SSBP3: variants seen among roughly 807,000 people sequenced by gnomAD.
The protein encoded by SSBP3 is single-stranded DNA-binding protein 3.
SSBP3 carries 5 observed loss-of-function variants against 69.6 expected under a neutral mutation model. That is an observed-to-expected ratio of 0.07 (90% CI 0.04 to 0.15). SSBP3 has a LOEUF of 0.15. SSBP3 is among the 10% of genes least tolerant of loss of function. The probability of loss-of-function intolerance (pLI) is 1.00; values close to 1 mark genes in which losing one functional copy is unlikely to be tolerated. For synonymous variants in SSBP3, 196 were observed against 193.4 expected, an observed-to-expected ratio of 1.01 and a Z score of -0.11; for missense variants, 312 against 534.0, an observed-to-expected ratio of 0.58 and a Z score of 4.10.
At chr1:54,275,153 G>A (rs1327588574) in intron 5 of SSBP3, among the ~76,000 whole-genome samples, 1 of 152,194 alleles carries the variant, frequency 6.6e-6, no homozygotes, top group East Asian at 1.9e-4. Flanking sequence ...TGGCTGACAG[G>A]TCCCTGCCCT....
intron 4 of SSBP3, among the ~76,000 whole-genome samples, chr1:54,308,907 CAA>C (rs36005529): frequency 6.9e-6 from 1 of 145,000 alleles, no homozygotes. Context: ...ACCTCCCCTG[CAA>C]AAAAAAAAAT....
intron 4 of SSBP3, among the ~76,000 whole-genome samples, chr1:54,396,492 A>G (rs1391740849): frequency 2.0e-5 from 3 of 152,106 alleles, no homozygotes; most frequent in South Asian, 4.1e-4. Flanking sequence ...CTCCCTGTTA[A>G]GGCTTAAACA....
At chr1:54,267,178 G>A (rs1348990051) in intron 5 of SSBP3, among the ~76,000 whole-genome samples, 1 of 152,246 alleles carries the variant, frequency 6.6e-6, no homozygotes, top group Non-Finnish European at 1.5e-5. Context: ...GCCAGGATAT[G>A]AGACGTGACT....
At chr1:54,409,823 C>G (rs752766931), upstream of SSBP3, among the ~76,000 whole-genome samples, 24 of 152,140 alleles carry the variant, frequency 1.6e-4, no homozygotes, top group Non-Finnish European at 3.1e-4. Context: ...ATACGCTGTT[C>G]TAGGCCTTGG....
chr1:54,346,893 C>T (rs1646699683), intron 4 of SSBP3, among the ~76,000 whole-genome samples: 1 of 152,088 alleles, frequency 6.6e-6, no homozygotes, highest in Admixed American at 6.6e-5. Flanking sequence ...TACTCCCCAA[C>T]CCCACCTCAC....
At chr1:54,385,564 A>T (rs1648021441) in intron 4 of SSBP3, among the ~76,000 whole-genome samples, 1 of 152,158 alleles carries the variant, frequency 6.6e-6, no homozygotes, top group South Asian at 2.1e-4. Context: ...GGAATTCCAA[A>T]TTCAGAACAT....
chr1:54,237,169 C>G (rs573674601), intron 14 of SSBP3: 1 of 152,294 alleles, frequency 6.6e-6, no homozygotes, highest in South Asian at 2.1e-4. Context: ...TTCAGGCAGC[C>G]CTTGACGCAC....
chr1:54,404,954 G>C, intron 1 of SSBP3, 24 bp from the exon 2 acceptor site: 1 of 1,599,256 alleles, frequency 6.3e-7, no homozygotes, highest in Non-Finnish European at 8.6e-7. Flanking sequence ...AGGGGGCAAA[G>C]AGAGAGAGGG....
intron 3 of SSBP3, among the ~76,000 whole-genome samples, chr1:54,404,145 CT>C (rs1359473295): frequency 4.6e-5 from 7 of 152,118 alleles, no homozygotes; most frequent in Non-Finnish European, 7.4e-5. Flanking sequence ...GGTAGATGTC[CT>C]CTCTTAAGGT....
At chr1:54,255,223 G>A (rs1160800734) in intron 7 of SSBP3, among the ~76,000 whole-genome samples, 1 of 151,898 alleles carries the variant, frequency 6.6e-6, no homozygotes, top group East Asian at 1.9e-4. Flanking sequence ...ACAGATGATG[G>A]ATTTATCCCC....
intron 4 of SSBP3, among the ~76,000 whole-genome samples, chr1:54,350,956 G>A (rs1646772374): frequency 6.6e-6 from 1 of 151,964 alleles, no homozygotes; most frequent in Non-Finnish European, 1.5e-5. Context: ...TCCTGAGTAG[G>A]TGAGACTACA....
chr1:54,406,042 C>CCGCCGCCGCCGT, exon 1 of SSBP3: 1 of 1,303,518 alleles, frequency 7.7e-7, no homozygotes, highest in Non-Finnish European at 1.0e-6. Context: ...AGCCTCGCCG[C>CCGCCGCCGCCGT]CGCCGCCGCC....
chr1:54,226,644 T>C (rs1644289064), exon 18 of SSBP3: 1 of 165,312 alleles, frequency 6.0e-6, no homozygotes, highest in Non-Finnish European at 1.3e-5. Context: ...CTTCTGGTTT[T>C]CCTTTTTTTT....
At chr1:54,342,064 AG>A (rs1646618163) in intron 4 of SSBP3, among the ~76,000 whole-genome samples, 2 of 152,232 alleles carry the variant, frequency 1.3e-5, no homozygotes, top group South Asian at 4.1e-4. Context: ...CCACGCGCAG[AG>A]GGATTTCCTG....
intron 4 of SSBP3, among the ~76,000 whole-genome samples, chr1:54,316,709 TA>T (rs200426753): frequency 0.017 from 1,916 of 113,376 alleles, 183 homozygotes; most frequent in African/African-American, 0.078. Context: ...AATAAATAAA[TA>T]AAATAAAATA....
At chr1:54,310,363 G>C (rs1437539459) in intron 4 of SSBP3, among the ~76,000 whole-genome samples, 1 of 152,082 alleles carries the variant, frequency 6.6e-6, no homozygotes, top group Non-Finnish European at 1.5e-5. Context: ...CTTCCATAGA[G>C]ATTTCTAAAG....
At chr1:54,240,883 C>A (rs1553123389) in intron 13 of SSBP3, 22 bp downstream of exon 13, 2 of 1,613,076 alleles carry the variant, frequency 1.2e-6, no homozygotes, top group East Asian at 4.5e-5. Context: ...AGACCCCCCA[C>A]TTTCCCCTCA....
At chr1:54,236,345 G>A (rs1644494825) in intron 14 of SSBP3, 1 of 152,168 alleles carries the variant, frequency 6.6e-6, no homozygotes, top group African/African-American at 2.4e-5. Context: ...TTTAACTCCC[G>A]ACGGACCCCA....
chr1:54,397,854 G>A (rs1474073690), intron 4 of SSBP3, among the ~76,000 whole-genome samples: 1 of 152,140 alleles, frequency 6.6e-6, no homozygotes, highest in Non-Finnish European at 1.5e-5. Context: ...AAAGTTAAGA[G>A]CCGTTGCACC....
Sources: allele counts gnomAD v4.1 joint callset (sites outside exome capture counted in the v4.1 genomes callset), GRCh38; gene constraint gnomAD v4.1.1; transcripts MANE v1.5; gene names NCBI Gene and HGNC (gene_info 2026-07-23, HGNC 2026-07-21).